SLC39A8: variants seen among roughly 807,000 people sequenced by gnomAD.
SLC39A8 encodes metal cation symporter ZIP8.
Under a neutral mutation model 40.4 loss-of-function variants are expected in SLC39A8, and 15 were observed. The observed-to-expected ratio is 0.37, with a 90% CI of 0.25 to 0.57. The LOEUF is 0.57. Ranked by LOEUF, SLC39A8 falls within the 20% of genes least tolerant of loss-of-function variation. SLC39A8 has a pLI of 0.75. For missense variants in SLC39A8, 472 were observed against 558.8 expected (o/e 0.84, Z 1.57); for synonymous variants, 223 against 221.6 (o/e 1.01, Z -0.06).
downstream of SLC39A8, among the ~76,000 whole-genome samples, chr4:102,260,256 A>G (rs539325061): frequency 7.9e-5 from 12 of 152,356 alleles, no homozygotes; most frequent in Admixed American, 7.8e-4. Context: ...TACCTGAGAC[A>G]GCCGATATCC....
At position 102,267,617 on chromosome 4, in the gene SLC39A8, T is replaced by C. The variant is rs1578557096; in HGVS notation, c.1106A>G (p.Asn369Ser). 2 of 1,613,808 alleles carry C rather than the reference T, an allele frequency of 1.2e-6. No individual in the cohort carries two copies. Among genetic ancestry groups the C allele is most frequent in the Non-Finnish European group, 1.7e-6 (2 of 1,179,922 alleles). The change falls in exon 8 of 9, where the codon AAC becomes AGC. Residue 369 changes from asparagine to serine, a missense_variant. Asn to Ser is a conservative substitution (Grantham distance 46, BLOSUM62 1). Coordinates refer to ENST00000356736, the MANE Select transcript of SLC39A8 (RefSeq NM_001135146.2). ...GMSTRQALLF[N>S]FLSACSCYVG... ...ATAGCAGGAACATGCAGAAAGGAAG[T>C]TGAATAGCAAGGCTTGTCGAGTGCT...
Position 102,253,334 on chromosome 4 carries a change from A to G in SLC39A8, c.*395T>C, listed in dbSNP as rs151370. On this transcript the variant is annotated 3_prime_UTR_variant and NMD_transcript_variant, in exon 12 of 12. Transcript: ENST00000424970. ...GCATCACGTCTCAATGGTCATAACT[A>G]TGTCATATGCCAACCTCTAACCAAT... 385,593 of 680,176 alleles carry G rather than the reference A, an allele frequency of 0.57. 113,005 individuals carry two copies. Among genetic ancestry groups the G allele is most frequent in the African/African-American group, 0.8 (44,391 of 55,542 alleles). 42.1% of individuals were successfully genotyped at this position (680,176 alleles called of 1,614,324 possible).
chr4:102,339,151 T>C (rs1268331962), intron 2 of SLC39A8, among the ~76,000 whole-genome samples: 1 of 152,112 alleles, frequency 6.6e-6, no homozygotes, highest in East Asian at 1.9e-4. Flanking sequence ...CACAATCAAC[T>C]TATGTGAGAG....
At chr4:102,305,973 G>A (rs1734154658) in intron 4 of SLC39A8, among the ~76,000 whole-genome samples, 2 of 151,902 alleles carry the variant, frequency 1.3e-5, no homozygotes, top group Non-Finnish European at 2.9e-5. Flanking sequence ...CATCATGGCC[G>A]CATCCTCATT....
intron 6 of SLC39A8, among the ~76,000 whole-genome samples, chr4:102,292,686 G>A (rs1311683851): frequency 2.6e-5 from 4 of 151,934 alleles, no homozygotes; most frequent in African/African-American, 9.7e-5. Flanking sequence ...TGAAATAGAG[G>A]ACTTTGTGGC....
intron 3 of SLC39A8, 84 bp from the exon 4 acceptor site, chr4:102,307,689 GTCTTTAAAAGCTTAAGACACATATCT>G: frequency 7.4e-7 from 1 of 1,352,922 alleles, no homozygotes; most frequent in Non-Finnish European, 1.0e-6. Flanking sequence ...GCTTAAAAGT[GTCTTTAAAAGCTTAAGACACATATCT>G]TCTTTAAAAG....
chr4:102,317,637 T>C lies in SLC39A8; in HGVS notation c.220-1807A>G, dbSNP rs367574714. Among the ~76,000 whole-genome samples the C allele has an allele frequency of 4.7e-4, 72 of 152,282 alleles. No homozygotes were observed. In the South Asian group the frequency reaches 5.8e-3, roughly 12 times the overall value. On this transcript the variant is annotated intron_variant, in intron 2 of 8. Transcript: ENST00000356736. ...AAGTAGACAGCCCTTGTGGTTCAAC[T>C]GGACACTGTGTGCTTCCAGGAATAA...
intron 2 of SLC39A8, among the ~76,000 whole-genome samples, chr4:102,318,617 G>T (rs968883317): frequency 6.6e-6 from 1 of 152,092 alleles, no homozygotes; most frequent in Admixed American, 6.6e-5. Context: ...AGAGTCCAGC[G>T]CCTGAAGAGT....
chr4:102,257,218 T>TA (rs1475716622), downstream of SLC39A8, among the ~76,000 whole-genome samples: 3 of 151,852 alleles, frequency 2.0e-5, no homozygotes, highest in African/African-American at 4.8e-5. Context: ...GCAGTGGCAT[T>TA]ATCTCGGCTC....
At chr4:102,298,399 G>A (rs1375582061) in intron 6 of SLC39A8, among the ~76,000 whole-genome samples, 1 of 151,888 alleles carries the variant, frequency 6.6e-6, no homozygotes, top group Non-Finnish European at 1.5e-5. Flanking sequence ...CCTCATGATT[G>A]GCTATATCAT....
At chr4:102,277,522 A>G (rs1321085722) in intron 6 of SLC39A8, among the ~76,000 whole-genome samples, 2 of 152,256 alleles carry the variant, frequency 1.3e-5, no homozygotes, top group Non-Finnish European at 2.9e-5. Context: ...TTCCATGCTC[A>G]TGGATAAAAA....
downstream of SLC39A8, chr4:102,259,398 G>T: frequency 8.2e-7 from 1 of 1,215,066 alleles, no homozygotes; most frequent in Non-Finnish European, 1.2e-6. Context: ...TTAAGCCATT[G>T]TATAAACTTT....
chr4:102,280,054 G>A (rs1191710954), intron 6 of SLC39A8, among the ~76,000 whole-genome samples: 1 of 152,188 alleles, frequency 6.6e-6, no homozygotes, highest in African/African-American at 2.4e-5. Context: ...TGGAGGGAAG[G>A]AGGAGTGGGG....
At chr4:102,273,255 T>A (rs1374671402) in intron 6 of SLC39A8, among the ~76,000 whole-genome samples, 1 of 152,084 alleles carries the variant, frequency 6.6e-6, no homozygotes. Flanking sequence ...TCGAGCTTGG[T>A]GTGGGGAGGG....
intron 6 of SLC39A8, among the ~76,000 whole-genome samples, chr4:102,268,943 T>A (rs1287955776): frequency 6.6e-6 from 1 of 152,200 alleles, no homozygotes; most frequent in Non-Finnish European, 1.5e-5. Flanking sequence ...CATTTTTAAG[T>A]ACAAAAGCAC....
intron 8 of SLC39A8, among the ~76,000 whole-genome samples, chr4:102,266,627 T>C (rs940929466): frequency 6.6e-6 from 1 of 151,896 alleles, no homozygotes; most frequent in Non-Finnish European, 1.5e-5. Context: ...CTTTTTTTTT[T>C]AGATGGAGTC....
intron 8 of SLC39A8, among the ~76,000 whole-genome samples, chr4:102,263,850 C>T (rs952629621): frequency 2.6e-5 from 4 of 152,152 alleles, no homozygotes; most frequent in Admixed American, 6.5e-5. Flanking sequence ...TTTGTTCCTC[C>T]GTAAGAAGCA....
At chr4:102,303,007 G>A (rs1442870623) in intron 6 of SLC39A8, among the ~76,000 whole-genome samples, 1 of 151,948 alleles carries the variant, frequency 6.6e-6, no homozygotes, top group Non-Finnish European at 1.5e-5. Context: ...GTGGAGAGAA[G>A]CATATGACCA....
At chr4:102,287,493 C>T (rs942148961) in intron 6 of SLC39A8, among the ~76,000 whole-genome samples, 2 of 152,088 alleles carry the variant, frequency 1.3e-5, no homozygotes, top group Non-Finnish European at 2.9e-5. Flanking sequence ...CTCAGAAGAG[C>T]ATCCTTGACC....
Sources: allele counts gnomAD v4.1 joint callset (sites outside exome capture counted in the v4.1 genomes callset), GRCh38; gene constraint gnomAD v4.1.1; transcripts MANE v1.5; gene names NCBI Gene and HGNC (gene_info 2026-07-23, HGNC 2026-07-21).